The following SH3KBP1 variants were observed in gnomAD, a reference collection of about 807,000 sequenced individuals.
SH3KBP1 encodes SH3 domain containing kinase binding protein 1.
Under a neutral mutation model 50.1 loss-of-function variants are expected in SH3KBP1, and 8 were observed. That is an observed-to-expected ratio of 0.16 (90% CI 0.09 to 0.29). The LOEUF (loss-of-function observed/expected upper bound fraction) is 0.29. Ranked by LOEUF, SH3KBP1 falls within the 10% of genes least tolerant of loss-of-function variation. The pLI is 1.00. For missense variants in SH3KBP1, 377 were observed against 535.2 expected, an observed-to-expected ratio of 0.70 and a Z score of 2.92; for synonymous variants, 227 against 218.6, an observed-to-expected ratio of 1.04 and a Z score of -0.34.
At chrX:19,774,590 G>C (rs2065901664) in intron 2 of SH3KBP1, among the ~76,000 whole-genome samples, 1 of 106,542 alleles carries the variant, frequency 9.4e-6, no homozygotes, top group Non-Finnish European at 1.9e-5. Context: ...AGAATGGCGT[G>C]AACCCAGGAG....
At position 19,796,975 on chromosome X, in the gene SH3KBP1, G is replaced by T. The variant is rs747381020; in HGVS notation, c.162+39150C>A. Among the ~76,000 whole-genome samples the T allele has an allele frequency of 2.7e-5, 3 of 112,274 alleles. No individual in the cohort carries two copies. In the Admixed American group the frequency reaches 2.8e-4, roughly 11 times the overall value. On this transcript the variant is annotated intron_variant, in intron 2 of 17. Coordinates refer to ENST00000397821, the MANE Select transcript of SH3KBP1 (RefSeq NM_031892.3). ...AAACTACTTAAAAGTAATTCACCGT[G>T]TTAATTATCCAAAGCAACTATTCAT...
At position 19,780,269 on chromosome X, in the gene SH3KBP1, G is replaced by T. The variant is rs1214188756; in HGVS notation, c.163-33828C>A. 3.5e-3 allele frequency among the ~76,000 whole-genome samples: 346 copies of T among 99,490 alleles called. 4 individuals carry two copies. The highest frequency in any genetic ancestry group is 0.012 in the African/African-American group (315 of 26,980). 86.4% of individuals were successfully genotyped at this position (99,490 alleles called of 115,157 possible). ...TGAGAAGTGTCTGTTCATGTCCTTC[G>T]CCCACTTTTTGATGGGGTTGTTTGT... On this transcript the variant is annotated intron_variant, in intron 2 of 17. Transcript: ENST00000397821.
chrX:19,631,633 C>T (rs919571367), intron 8 of SH3KBP1, among the ~76,000 whole-genome samples: 1 of 112,703 alleles, frequency 8.9e-6, no homozygotes, highest in African/African-American at 3.2e-5. Context: ...TCTGAAGGAC[C>T]ATGCAAATCT....
intron 2 of SH3KBP1, among the ~76,000 whole-genome samples, chrX:19,833,964 G>A (rs781539639): frequency 4.8e-4 from 53 of 111,360 alleles, no homozygotes; most frequent in Non-Finnish European, 6.2e-4. Flanking sequence ...CTTAAAATGG[G>A]AGCGAGCGGC....
intron 7 of SH3KBP1, among the ~76,000 whole-genome samples, chrX:19,634,495 G>A (rs1263786700): frequency 9.0e-6 from 1 of 111,686 alleles, no homozygotes; most frequent in Non-Finnish European, 1.9e-5. Context: ...AGAAAAAGAG[G>A]AGATCCTGGT....
intron 6 of SH3KBP1, among the ~76,000 whole-genome samples, chrX:19,650,660 T>G (rs900743787): frequency 8.9e-6 from 1 of 112,694 alleles, no homozygotes; most frequent in Non-Finnish European, 1.9e-5. Flanking sequence ...AAGATAAAGA[T>G]GACTCTTTGA....
intron 2 of SH3KBP1, among the ~76,000 whole-genome samples, chrX:19,796,330 C>A (rs1248302955): frequency 1.8e-5 from 2 of 111,767 alleles, no homozygotes. Flanking sequence ...ATTTTGCTAT[C>A]TCTAAAATGG....
chrX:19,717,183 A>G (rs915354353), intron 3 of SH3KBP1, among the ~76,000 whole-genome samples: 9 of 111,765 alleles, frequency 8.1e-5, no homozygotes, highest in Admixed American at 7.6e-4. Context: ...GACATACGCC[A>G]AACAATTGTC....
At chrX:19,584,168 T>C (rs1418741240) in intron 12 of SH3KBP1, among the ~76,000 whole-genome samples, 1 of 94,362 alleles carries the variant, frequency 1.1e-5, no homozygotes, top group Non-Finnish European at 2.0e-5. Flanking sequence ...TATTTATATA[T>C]ATTTATATAT....
rs759395806 is a variant in SH3KBP1, at chrX:19,861,410, A to G, written c.5-25128T>C. On this transcript the variant is annotated intron_variant, in intron 1 of 17. Transcript: ENST00000397821. Reference sequence around the variant, plus strand: ...AAATAAAAAATAAATAAAAATAAATAATAAAAAAAATAGCAATCCACACTA... The same window carrying G: ...AAATAAAAAATAAATAAAAATAAATGATAAAAAAAATAGCAATCCACACTA... 1.2e-3 allele frequency among the ~76,000 whole-genome samples: 132 copies of G among 110,851 alleles called. 1 individual carries two copies. Among genetic ancestry groups the G allele is most frequent in the Non-Finnish European group, 2.0e-3 (106 of 52,803 alleles).
intron 16 of SH3KBP1, among the ~76,000 whole-genome samples, chrX:19,541,700 C>G (rs1458185453): frequency 2.7e-5 from 3 of 112,433 alleles, no homozygotes; most frequent in African/African-American, 9.7e-5. Flanking sequence ...CATGGCCAGC[C>G]TGTGCCCTTC....
chrX:19,788,850 G>T (rs1388868568), intron 2 of SH3KBP1, among the ~76,000 whole-genome samples: 1 of 112,893 alleles, frequency 8.9e-6, no homozygotes, highest in African/African-American at 3.2e-5. Flanking sequence ...AAGAGGCCAG[G>T]CACGGTGGCT....
intron 8 of SH3KBP1, among the ~76,000 whole-genome samples, chrX:19,628,347 GAC>G (rs1201577447): frequency 9.0e-6 from 1 of 111,545 alleles, no homozygotes; most frequent in Non-Finnish European, 1.9e-5. Context: ...GGGTGCCACT[GAC>G]AGACTCCTCC....
At chrX:19,595,191 C>G (rs746737311) in intron 9 of SH3KBP1, among the ~76,000 whole-genome samples, 191 bp from the exon 10 acceptor site, 1 of 111,790 alleles carries the variant, frequency 8.9e-6, no homozygotes, top group East Asian at 2.8e-4. Context: ...TAAATCCAGT[C>G]GGCAAAACAA....
chrX:19,708,027 C>T lies in SH3KBP1; in HGVS notation c.287-1043G>A, dbSNP rs906312478. Among the ~76,000 whole-genome samples the T allele has an allele frequency of 8.8e-4, 100 of 113,129 alleles. 2 individuals are homozygous for T. Among genetic ancestry groups the T allele is most frequent in the Non-Finnish European group, 3.0e-4 (16 of 53,377 alleles). On this transcript the variant is annotated intron_variant, in intron 3 of 17. Coordinates refer to ENST00000397821, the MANE Select transcript of SH3KBP1 (RefSeq NM_031892.3). ...AGGGATCAATGACTTCAAAGAAACA[C>T]ATTTAGAAATGCTTAAATTATTTTT... is the stretch of plus-strand genomic sequence containing the variant.
chrX:19,654,123 ATG>A (rs1167310631), intron 6 of SH3KBP1, among the ~76,000 whole-genome samples: 1 of 111,796 alleles, frequency 8.9e-6, no homozygotes, highest in African/African-American at 3.3e-5. Flanking sequence ...ACAGAGGGAC[ATG>A]TGTGTCTGTG....
At chrX:19,868,656 CTAAGTT>C (rs2068967906) in intron 1 of SH3KBP1, among the ~76,000 whole-genome samples, 1 of 102,031 alleles carries the variant, frequency 9.8e-6, no homozygotes, top group Non-Finnish European at 2.0e-5. Context: ...TGAAAATATC[CTAAGTT>C]GTAAATGCAC....
At chrX:19,565,854 T>C (rs2065827881) in intron 13 of SH3KBP1, among the ~76,000 whole-genome samples, 1 of 111,325 alleles carries the variant, frequency 9.0e-6, no homozygotes, top group Non-Finnish European at 1.9e-5. Context: ...TAAAATGGTG[T>C]ACAACAATAC....
At chrX:19,560,514 G>A (rs1048604651) in intron 13 of SH3KBP1, among the ~76,000 whole-genome samples, 3 of 110,954 alleles carry the variant, frequency 2.7e-5, no homozygotes, top group Non-Finnish European at 3.8e-5. Flanking sequence ...GGCTGGTCTC[G>A]AACTGCTGGC....
Sources: gnomAD v4.1 joint callset for allele counts (sites outside exome capture counted in the v4.1 genomes callset) on GRCh38, gnomAD v4.1.1 for gene constraint, MANE v1.5 for transcripts, NCBI Gene and HGNC (gene_info 2026-07-23, HGNC 2026-07-21) for gene names.